The following NR1H4 variants were observed in gnomAD, a reference collection of about 807,000 sequenced individuals.
The protein encoded by NR1H4 is bile acid receptor.
NR1H4 carries 23 observed loss-of-function variants against 58.5 expected under a neutral mutation model. That is an observed-to-expected ratio of 0.39 (90% CI 0.28 to 0.56). The LOEUF is 0.56. NR1H4 is among the 20% of genes least tolerant of loss of function. NR1H4 has a pLI of 0.58. For missense variants in NR1H4, 487 were observed against 576.9 expected (o/e 0.84, Z 1.60); for synonymous variants, 214 against 198.0 (o/e 1.08, Z -0.68).
At position 100,563,652 on chromosome 12, in the gene NR1H4, G is replaced by C; in HGVS notation, c.*163G>C. 1 of 650,676 alleles carries C rather than the reference G, an allele frequency of 1.5e-6. No homozygotes were observed. Among genetic ancestry groups the C allele is most frequent in the South Asian group, 1.9e-5 (1 of 52,472 alleles). 40.3% of individuals were successfully genotyped at this position (650,676 alleles called of 1,614,324 possible). On this transcript the variant is annotated 3_prime_UTR_variant, in exon 11 of 11. Transcript: ENST00000392986. Reference sequence around the variant, plus strand: ...TTCCACAACTGTAAATATTGGGCTAGATAGAACAACTTTCTCTACATTGTG... The same window carrying C: ...TTCCACAACTGTAAATATTGGGCTACATAGAACAACTTTCTCTACATTGTG...
At chr12:100,492,117 G>A (rs1048455460) in intron 1 of NR1H4, among the ~76,000 whole-genome samples, 36 of 152,130 alleles carry the variant, frequency 2.4e-4, no homozygotes, top group Admixed American at 2.3e-3. Context: ...GTTTAGTGCA[G>A]AATATGTGCT....
At chr12:100,535,161 C>T in intron 6 of NR1H4, 138 bp downstream of exon 6, 2 of 926,992 alleles carry the variant, frequency 2.2e-6, no homozygotes, top group Non-Finnish European at 3.5e-6. Context: ...AAAATGGATT[C>T]CTAATACATG....
Position 100,563,303 on chromosome 12 carries a change from T to A in NR1H4, c.1245T>A (p.Leu415=). ...REAVEKLQEP[L]LDVLQKLCKI... The stretch of plus-strand genomic sequence containing the variant: ...CAGTAGAGAAGCTTCAGGAGCCACT[T>A]CTTGATGTGCTACAAAAGTTGTGTA... The change falls in exon 11 of 11, where the codon CTT becomes CTA. Residue 415 remains leucine, a synonymous_variant. Coordinates refer to ENST00000392986, the MANE Select transcript of NR1H4 (RefSeq NM_001206979.2). 2 of 1,614,202 alleles carry A rather than the reference T, an allele frequency of 1.2e-6. No homozygotes were observed. The highest frequency in any genetic ancestry group is 1.7e-6 in the Non-Finnish European group (2 of 1,180,038).
chr12:100,479,317 A>C (rs1212323149), intron 1 of NR1H4, among the ~76,000 whole-genome samples: 1 of 152,182 alleles, frequency 6.6e-6, no homozygotes, highest in African/African-American at 2.4e-5. Flanking sequence ...ATTTTCTCCC[A>C]ATAATTTTAT....
intron 9 of NR1H4, among the ~76,000 whole-genome samples, chr12:100,550,909 G>A (rs1349819116): frequency 6.6e-6 from 1 of 152,118 alleles, no homozygotes; most frequent in African/African-American, 2.4e-5. Context: ...TGCTCCCAAT[G>A]GCCCTCACTA....
In NR1H4 at chr12:100,545,662, A is replaced by AAAC. The variant is rs1565777413; in HGVS notation, c.1078+4846_1078+4847insCAA. Reference sequence around the variant, plus strand: ...GTCTCAAAAAAAAAAAAAAAAAAAAAAAAAAAACCAAACGGGGGGCATATA... The same window carrying AAAC: ...GTCTCAAAAAAAAAAAAAAAAAAAAAAACAAAAAAACCAAACGGGGGGCATATA... On this transcript the variant is annotated intron_variant, in intron 9 of 10. Transcript: ENST00000392986. Among the ~76,000 whole-genome samples the AAAC allele has an allele frequency of 4.4e-3, 618 of 140,760 alleles. 42 individuals are homozygous for AAAC. The highest frequency in any genetic ancestry group is 0.018 in the African/African-American group (589 of 32,468). 92.3% of individuals were successfully genotyped at this position (140,760 alleles called of 152,430 possible). A position where few individuals can be genotyped will look rare whatever the true frequency, so the allele number is the denominator to read the frequency against.
In NR1H4 at chr12:100,506,950, A is replaced by G. The variant is rs983660139; in HGVS notation, c.80-3828A>G. Among the ~76,000 whole-genome samples the G allele has an allele frequency of 5.9e-5, 9 of 152,188 alleles. No individual in the cohort carries two copies. The South Asian group carries it at 6.2e-4, about 10-fold the overall frequency. ...TTATTCCAGAGACTGAAAGACAGGG[A>G]TATTATTATCTGACTTGACTTGGGA... On this transcript the variant is annotated intron_variant, in intron 3 of 10. Coordinates refer to ENST00000392986, the MANE Select transcript of NR1H4 (RefSeq NM_001206979.2).
chr12:100,483,860 T>C (rs1404859682), intron 1 of NR1H4, among the ~76,000 whole-genome samples: 3 of 151,824 alleles, frequency 2.0e-5, no homozygotes, highest in Non-Finnish European at 2.9e-5. Flanking sequence ...GGTGCATGCC[T>C]GTAATCCCAA....
chr12:100,532,204 A>G (rs1182043912), intron 4 of NR1H4, among the ~76,000 whole-genome samples: 1 of 152,214 alleles, frequency 6.6e-6, no homozygotes, highest in Non-Finnish European at 1.5e-5. Context: ...TTTGTCTTAG[A>G]AAACAAATTC....
At chr12:100,538,433 A>C (rs534977713) in intron 8 of NR1H4, among the ~76,000 whole-genome samples, 2 of 152,318 alleles carry the variant, frequency 1.3e-5, no homozygotes, top group Admixed American at 6.5e-5. Flanking sequence ...CTTGAGGAAC[A>C]GTTGTATGTG....
intron 4 of NR1H4, 34 bp from the exon 5 acceptor site, chr12:100,532,424 G>A (rs751891434): frequency 1.2e-6 from 2 of 1,612,464 alleles, no homozygotes; most frequent in Admixed American, 1.7e-5. Flanking sequence ...AGCTGTGAGA[G>A]GACTTTTTAC....
intron 4 of NR1H4, 69 bp downstream of exon 4, chr12:100,511,212 T>G: frequency 6.2e-7 from 1 of 1,601,166 alleles, no homozygotes; most frequent in South Asian, 1.1e-5. Context: ...TCCCTTGAAC[T>G]AATTGCTTCC....
intron 3 of NR1H4, among the ~76,000 whole-genome samples, chr12:100,498,779 C>T (rs1018720341): frequency 4.6e-5 from 7 of 152,070 alleles, no homozygotes; most frequent in African/African-American, 1.4e-4. Context: ...ACAGTCTTTC[C>T]GGAGCCCCAT....
In NR1H4 at chr12:100,540,673, A is replaced by T. The variant is rs1566467890; in HGVS notation, c.933A>T (p.Gly311=). 1 of 1,614,106 alleles carries T rather than the reference A, an allele frequency of 6.2e-7. No individual in the cohort carries two copies. ...VLVEFTKKLP[G]FQTLDHEDQI... is the part of the protein sequence containing the mutation. Reference sequence around the variant, plus strand: ...AATTTGATTATCATCATTACCTAGGATTTCAGACTTTGGACCATGAAGACC... The same window carrying T: ...AATTTGATTATCATCATTACCTAGGTTTTCAGACTTTGGACCATGAAGACC... The change falls in exon 9 of 11, where the codon GGA becomes GGT. Residue 311 remains glycine, a splice_region_variant and synonymous_variant. Transcript: ENST00000392986.
chr12:100,475,124 CCTATCTATCTAT>C (rs10629376), intron 1 of NR1H4, among the ~76,000 whole-genome samples: 21 of 143,210 alleles, frequency 1.5e-4, no homozygotes, highest in South Asian at 4.7e-4. Context: ...AAGTGGTTTA[CCTATCTATCTAT>C]CTATCTATCT....
intron 3 of NR1H4, among the ~76,000 whole-genome samples, chr12:100,498,847 T>C (rs1431826107): frequency 6.6e-6 from 1 of 152,268 alleles, no homozygotes; most frequent in East Asian, 1.9e-4. Context: ...CATTCACTTA[T>C]CTTTCATTTC....
chr12:100,477,830 T>C (rs1266648503), intron 1 of NR1H4, among the ~76,000 whole-genome samples: 1 of 152,130 alleles, frequency 6.6e-6, no homozygotes, highest in Admixed American at 6.6e-5. Flanking sequence ...GACAAAGAAA[T>C]GTCATTCCAA....
chr12:100,493,304 A>G lies in NR1H4; in HGVS notation c.-20A>G. On this transcript the variant is annotated 5_prime_UTR_variant, in exon 3 of 11. Transcript: ENST00000392986. Reference sequence around the variant, plus strand: ...TTGAAGACCACCATAAAGAAAGTGCATTTCAATTGAAAAATTTGGATGGGA... The same window carrying G: ...TTGAAGACCACCATAAAGAAAGTGCGTTTCAATTGAAAAATTTGGATGGGA... 7.8e-7 allele frequency: 1 copy of G among 1,287,542 alleles called. No homozygotes were observed. The highest frequency in any genetic ancestry group is 1.2e-5 in the South Asian group (1 of 81,314). 79.8% of individuals were successfully genotyped at this position (1,287,542 alleles called of 1,614,324 possible).
chr12:100,506,092 T>C (rs569700988), intron 3 of NR1H4, among the ~76,000 whole-genome samples: 2 of 151,368 alleles, frequency 1.3e-5, no homozygotes, highest in South Asian at 2.1e-4. Context: ...TAATTTGTAA[T>C]GAAAGAACTA....
Sources: gnomAD v4.1 joint callset for allele counts (sites outside exome capture counted in the v4.1 genomes callset) on GRCh38, gnomAD v4.1.1 for gene constraint, MANE v1.5 for transcripts, NCBI Gene and HGNC (gene_info 2026-07-23, HGNC 2026-07-21) for gene names.